Variants in GART observed in about 807,000 individuals in gnomAD.
GART encodes the protein trifunctional purine biosynthetic protein adenosine-3.
A neutral mutation model predicts 107.2 loss-of-function variants in GART; 43 were observed. The ratio of observed to expected loss-of-function variants is 0.40; its 90% CI spans 0.31 to 0.52. The LOEUF (loss-of-function observed/expected upper bound fraction) is 0.52, where lower values mean the gene tolerates loss of function less well. GART is among the 20% of genes least tolerant of loss of function. The probability of loss-of-function intolerance (pLI) is 0.52; values close to 1 mark genes in which losing one functional copy is unlikely to be tolerated. For missense variants in GART, 1,107 were observed against 1,206.5 expected (o/e 0.92, Z 1.22); for synonymous variants, 434 against 427.0 (o/e 1.02, Z -0.20).
chr21:33,533,453 A>T (rs2085237186), intron 4 of GART, among the ~76,000 whole-genome samples: 1 of 142,626 alleles, frequency 7.0e-6, no homozygotes, highest in Non-Finnish European at 1.6e-5. Flanking sequence ...AAAAAAAAAT[A>T]AATAAATAAA....
intron 1 of GART, among the ~76,000 whole-genome samples, chr21:33,541,016 T>C (rs544753057): frequency 1.8e-4 from 27 of 151,736 alleles, no homozygotes; most frequent in African/African-American, 5.1e-4. Flanking sequence ...ACGATGATCA[T>C]TGAAAATTTG....
intron 7 of GART, 156 bp downstream of exon 7, chr21:33,530,603 G>T: frequency 1.3e-6 from 1 of 741,878 alleles, no homozygotes. Context: ...GTTAGTTTTA[G>T]AGACCAGAAA....
chr21:33,529,194 A>G (rs1190171542), intron 7 of GART, among the ~76,000 whole-genome samples: 2 of 152,216 alleles, frequency 1.3e-5, no homozygotes, highest in African/African-American at 4.8e-5. Flanking sequence ...GAAACGTAAT[A>G]GAAATGAAAC....
chr21:33,528,303 A>G lies in GART; in HGVS notation c.930T>C (p.Tyr310=). ...VILPLLKSDL[Y]EVIQSTLDGL... ...CATCTAAGGTGGACTGAATCACTTC[A>G]TAAAGATCACTTTTAAGAAGTGGGA... The change falls in exon 10 of 22, where the codon TAT becomes TAC. Residue 310 remains tyrosine, a synonymous_variant. Coordinates refer to ENST00000381815, the MANE Select transcript of GART (RefSeq NM_000819.5). The G allele has an allele frequency of 6.2e-7, 1 of 1,614,192 alleles. No individual in the cohort carries two copies. The highest frequency in any genetic ancestry group is 1.7e-5 in the Admixed American group (1 of 60,020).
Position 33,535,328 on chromosome 21 carries a change from C to T in GART, c.146-8G>A. ...GGTCACTGATTGAGATGGCTGTAAA[C>T]AGAAAAAAAAAAAAAAAAACCACTG... On this transcript the variant is annotated splice_polypyrimidine_tract_variant and splice_region_variant and intron_variant, in intron 2 of 21. Transcript: ENST00000381815. 2 of 326,888 alleles carry T rather than the reference C, an allele frequency of 6.1e-6. No homozygotes were observed. Among genetic ancestry groups the T allele is most frequent in the Non-Finnish European group, 1.0e-5 (2 of 190,902 alleles). 20.2% of individuals were successfully genotyped at this position (326,888 alleles called of 1,614,324 possible).
chr21:33,514,136 G>A (rs972750399), intron 16 of GART, among the ~76,000 whole-genome samples: 6 of 151,988 alleles, frequency 3.9e-5, no homozygotes, highest in African/African-American at 7.3e-5. Flanking sequence ...GTGTGGTGGC[G>A]TGTTACCTGT....
At chr21:33,530,553 T>C (rs1302304000) in intron 7 of GART, among the ~76,000 whole-genome samples, 3 of 152,272 alleles carry the variant, frequency 2.0e-5, no homozygotes, top group South Asian at 2.1e-4. Context: ...ATACTTTAGA[T>C]TGGCTTATTT....
rs556332803 is a variant in GART, at chr21:33,511,400, G to A, written c.2166C>T (p.Leu722=). Residue 722 remains leucine (L), a synonymous_variant, in exon 17 of 22, where the codon CTC becomes CTT. Transcript: ENST00000381815. Reference sequence around the variant, plus strand: ...ATGTTCTGGCCATCTCTTCCTCAGAGAGGTGTCCTTCCTGCTGCAACCATG... The same window carrying A: ...ATGTTCTGGCCATCTCTTCCTCAGAAAGGTGTCCTTCCTGCTGCAACCATG... The part of the protein sequence containing the change: ...VFSWLQQEGH[L]SEEEMARTFN... 1.2e-6 allele frequency: 2 copies of A among 1,614,136 alleles called. No individual in the cohort carries two copies. Among genetic ancestry groups the A allele is most frequent in the African/African-American group, 2.7e-5 (2 of 75,020 alleles).
intron 15 of GART, 107 bp downstream of exon 15, chr21:33,517,250 A>C: frequency 6.4e-7 from 1 of 1,554,518 alleles, no homozygotes; most frequent in South Asian, 1.2e-5. Flanking sequence ...CAAGTAGCAA[A>C]CCAAGGTAAT....
intron 10 of GART, among the ~76,000 whole-genome samples, chr21:33,526,090 C>T (rs1282675958): frequency 6.6e-6 from 1 of 151,918 alleles, no homozygotes; most frequent in Non-Finnish European, 1.5e-5. Flanking sequence ...AGGATGGTCT[C>T]GATCTCCTGA....
chr21:33,539,596 G>C (rs2085371453), intron 1 of GART, among the ~76,000 whole-genome samples: 1 of 149,556 alleles, frequency 6.7e-6, no homozygotes, highest in Non-Finnish European at 1.5e-5. Context: ...AGGAGGCCAA[G>C]GCAGGAGAAT....
intron 6 of GART, 74 bp downstream of exon 6, chr21:33,531,415 G>A: frequency 7.7e-7 from 1 of 1,295,568 alleles, no homozygotes; most frequent in East Asian, 2.3e-5. Flanking sequence ...AGTATATCAA[G>A]TCTTTTCTGG....
rs779853333 is a variant in GART at position 33,524,804 on chromosome 21, G to A, written c.1263C>T (p.Val421=). The change falls in exon 11 of 22, where the codon GTC becomes GTT. Residue 421 remains valine, a synonymous_variant. Coordinates refer to ENST00000381815, the MANE Select transcript of GART (RefSeq NM_000819.5). Reference sequence around the variant, plus strand: ...GGAGGAAAGCTATGGCACGAAAGCCGACGTCTTTCCTATAAATTGCTCCCT... The same window carrying A: ...GGAGGAAAGCTATGGCACGAAAGCCAACGTCTTTCCTATAAATTGCTCCCT... ...KFEGAIYRKD[V]GFRAIAFLQQ... is the part of the protein sequence containing the mutation. 1.0e-4 allele frequency: 167 copies of A among 1,614,092 alleles called. No homozygotes were observed. Among genetic ancestry groups the A allele is most frequent in the Non-Finnish European group, 1.4e-4 (162 of 1,180,046 alleles).
intron 18 of GART, 43 bp from the exon 19 acceptor site, chr21:33,506,147 C>CAT: frequency 8.0e-7 from 1 of 1,252,280 alleles, no homozygotes. Context: ...ACTACTACTT[C>CAT]TTTTTTTTTT....
At chr21:33,525,026 G>A in intron 10 of GART, 26 bp from the exon 11 acceptor site, 1 of 1,597,682 alleles carries the variant, frequency 6.3e-7, no homozygotes, top group Non-Finnish European at 8.5e-7. Flanking sequence ...TTTGACATAT[G>A]ATTTCAAATA....
chr21:33,524,677 C>T (rs2085035410), intron 11 of GART, 92 bp downstream of exon 11: 2 of 1,551,834 alleles, frequency 1.3e-6, no homozygotes, highest in South Asian at 1.2e-5. Context: ...GAAAAGAATA[C>T]TGAATGACTT....
At chr21:33,512,287 T>C (rs1420911343) in intron 16 of GART, among the ~76,000 whole-genome samples, 2 of 64,556 alleles carry the variant, frequency 3.1e-5, no homozygotes, top group African/African-American at 6.8e-5. Flanking sequence ...CCGACTCAAA[T>C]TGAAAAAAAA....
rs777368944 is a variant in GART, at chr21:33,531,575, T to TC, written c.529-19_529-18insG. 1 of 1,551,906 alleles carries TC rather than the reference T, an allele frequency of 6.4e-7. No homozygotes were observed. Among genetic ancestry groups the TC allele is most frequent in the Non-Finnish European group, 8.7e-7 (1 of 1,150,088 alleles). Reference sequence around the variant, plus strand: ...GCTTTCTCCTGATTGTAAGATTTTTTTTTTTTTTTTTTTTAAAAAAAGAGG... The same window carrying TC: ...GCTTTCTCCTGATTGTAAGATTTTTTCTTTTTTTTTTTTTTAAAAAAAGAGG... On this transcript the variant is annotated intron_variant, in intron 5 of 21. Transcript: ENST00000381815.
Position 33,517,622 on chromosome 21 carries a change from A to C in GART, c.1703-14T>G, listed in dbSNP as rs771055876. The C allele has an allele frequency of 6.2e-7, 1 of 1,613,462 alleles. No individual in the cohort carries two copies. The highest frequency in any genetic ancestry group is 8.5e-7 in the Non-Finnish European group (1 of 1,179,484). ...CTGTTTCACCTCCTGGTGGGATAAG[A>C]CAAGAACAAAGAAATCAGAGTATTT... On this transcript the variant is annotated splice_polypyrimidine_tract_variant and intron_variant, in intron 14 of 21. Transcript: ENST00000381815.
Sources: gnomAD v4.1 joint callset for allele counts (sites outside exome capture counted in the v4.1 genomes callset) on GRCh38, gnomAD v4.1.1 for gene constraint, MANE v1.5 for transcripts, NCBI Gene and HGNC (gene_info 2026-07-23, HGNC 2026-07-21) for gene names.